TRIM71: variants seen among roughly 807,000 people sequenced by gnomAD.
The protein encoded by TRIM71 is E3 ubiquitin-protein ligase TRIM71.
Under a neutral mutation model 61.2 loss-of-function variants are expected in TRIM71, and 9 were observed. That is an observed-to-expected ratio of 0.15 (90% CI 0.09 to 0.26). The LOEUF is 0.26. TRIM71 is among the 10% of genes least tolerant of loss of function. The pLI is 1.00. For synonymous variants in TRIM71, 645 were observed against 553.2 expected, an observed-to-expected ratio of 1.17 and a Z score of -2.33; for missense variants, 998 against 1,238.7, an observed-to-expected ratio of 0.81 and a Z score of 2.92.
At chr3:32,874,045 T>C (rs1696826114) in intron 2 of TRIM71, 60 bp downstream of exon 2, 8 of 1,515,304 alleles carry the variant, frequency 5.3e-6, no homozygotes, top group Middle Eastern at 2.0e-4. Context: ...TTCTGTCGGG[T>C]GGCATGGACA....
At position 32,836,817 on chromosome 3, in the gene TRIM71, C is replaced by T. The variant is rs1321691826; in HGVS notation, c.852+17885C>T. ...TCAGTTGAGTGTTCATGCTTCGTGGCCATATACTGGTAGCTATTATACTGG... is the reference window on the plus strand; with the variant it reads ...TCAGTTGAGTGTTCATGCTTCGTGGTCATATACTGGTAGCTATTATACTGG... On this transcript the variant is annotated intron_variant, in intron 1 of 3. Coordinates refer to ENST00000383763, the MANE Select transcript of TRIM71 (RefSeq NM_001039111.3). Among the ~76,000 whole-genome samples the T allele has an allele frequency of 2.0e-5, 3 of 152,204 alleles. No homozygotes were observed. The East Asian group carries it at 5.8e-4, about 29-fold the overall frequency.
chr3:32,870,550 G>A (rs1053386904), intron 1 of TRIM71, among the ~76,000 whole-genome samples: 9 of 152,098 alleles, frequency 5.9e-5, no homozygotes, highest in Admixed American at 2.6e-4. Context: ...GGTCACAGGA[G>A]GGCTCTGGTG....
intron 1 of TRIM71, among the ~76,000 whole-genome samples, chr3:32,853,947 T>TCAAA (rs1438860885): frequency 1.3e-5 from 2 of 151,456 alleles, no homozygotes; most frequent in Admixed American, 6.6e-5. Context: ...GGGGTTGCAA[T>TCAAA]GAGCTGAGAC....
intron 1 of TRIM71, among the ~76,000 whole-genome samples, chr3:32,861,712 G>A (rs751442150): frequency 1.0e-3 from 152 of 152,174 alleles, no homozygotes; most frequent in Non-Finnish European, 1.9e-3. Flanking sequence ...CTGGAATGTC[G>A]GGGGGAAGAT....
At position 32,818,088 on chromosome 3, in the gene TRIM71, C is replaced by T; in HGVS notation, c.8C>T (p.Ser3Leu). Reference protein sequence around the residue: MASFPETDFQICL... With the variant: MALFPETDFQICL... ...CTCCGGGCTGGGTTGCAAATGGCTTCGTTCCCCGAGACCGATTTCCAGATC... is the reference window on the plus strand; with the variant it reads ...CTCCGGGCTGGGTTGCAAATGGCTTTGTTCCCCGAGACCGATTTCCAGATC... The change falls in exon 1 of 4, where the codon TCG (serine) becomes TTG (leucine). Residue 3 changes from serine (S) to leucine (L), a missense_variant. By Grantham distance (145) the Ser-to-Leu change is moderately radical (BLOSUM62 -2). Transcript: ENST00000383763. 4.3e-6 allele frequency: 7 copies of T among 1,610,188 alleles called. No homozygotes were observed. Among genetic ancestry groups the T allele is most frequent in the Non-Finnish European group, 5.9e-6 (7 of 1,177,926 alleles).
intron 1 of TRIM71, among the ~76,000 whole-genome samples, chr3:32,872,656 G>A (rs763714035): frequency 5.9e-5 from 9 of 152,170 alleles, no homozygotes; most frequent in Non-Finnish European, 1.3e-4. Context: ...TACCTAGCAA[G>A]GTGCTTTGTA....
At chr3:32,868,636 C>CTT (rs113638525) in intron 1 of TRIM71, among the ~76,000 whole-genome samples, 4 of 134,062 alleles carry the variant, frequency 3.0e-5, no homozygotes, top group African/African-American at 1.1e-4. Flanking sequence ...TAGAATAAAG[C>CTT]TTTTTTTTTT....
chr3:32,891,610 G>A lies in TRIM71; in HGVS notation c.2406G>A (p.Val802=). The A allele has an allele frequency of 6.2e-7, 1 of 1,613,514 alleles. No individual in the cohort carries two copies. The highest frequency in any genetic ancestry group is 1.1e-5 in the South Asian group (1 of 91,024). ...GQFLRPQGVA[V]DQEGRIIVAD... The stretch of plus-strand genomic sequence containing the variant: ...TCCTGCGCCCACAAGGGGTAGCTGT[G>A]GACCAGGAAGGGCGCATCATTGTGG... Residue 802 remains valine, a synonymous_variant, in exon 4 of 4, where the codon GTG becomes GTA. Transcript: ENST00000383763. The surrounding 1 kb of genome is among the most constrained non-coding windows in gnomAD (Gnocchi z 8.2).
At chr3:32,887,865 C>T (rs1158719267) in intron 3 of TRIM71, among the ~76,000 whole-genome samples, 2 of 152,138 alleles carry the variant, frequency 1.3e-5, no homozygotes, top group Non-Finnish European at 2.9e-5. Flanking sequence ...CATATAATCA[C>T]CCCTCCCACC....
At chr3:32,850,889 C>T (rs1045691539) in intron 1 of TRIM71, among the ~76,000 whole-genome samples, 13 of 152,174 alleles carry the variant, frequency 8.5e-5, no homozygotes, top group Admixed American at 7.9e-4. Flanking sequence ...AAGTCATTCT[C>T]CACCCCCACC....
intron 1 of TRIM71, among the ~76,000 whole-genome samples, chr3:32,829,922 ATTTT>A (rs11327826): frequency 1.1e-4 from 12 of 109,524 alleles, no homozygotes; most frequent in African/African-American, 3.0e-4. Flanking sequence ...TACTGCCTGA[ATTTT>A]TTTTTTTTTT....
chr3:32,861,955 T>G (rs1575352239), intron 1 of TRIM71, among the ~76,000 whole-genome samples: 1 of 152,236 alleles, frequency 6.6e-6, no homozygotes, highest in South Asian at 2.1e-4. Flanking sequence ...AGGCCACGTG[T>G]GTGCTATCCA....
At chr3:32,819,792 G>A (rs1345673863) in intron 1 of TRIM71, among the ~76,000 whole-genome samples, 1 of 152,212 alleles carries the variant, frequency 6.6e-6, no homozygotes, top group Non-Finnish European at 1.5e-5. Flanking sequence ...GGTTTCCCTG[G>A]TTAGGAGGTA....
At chr3:32,829,430 GTC>G (rs1189323523) in intron 1 of TRIM71, among the ~76,000 whole-genome samples, 1 of 152,046 alleles carries the variant, frequency 6.6e-6, no homozygotes, top group Non-Finnish European at 1.5e-5. Flanking sequence ...TGATCTGCCT[GTC>G]TCCCAAAGTG....
Position 32,890,966 on chromosome 3 carries a change from G to T in TRIM71, c.1762G>T (p.Gly588Cys). 3 of 1,614,208 alleles carry T rather than the reference G, an allele frequency of 1.9e-6. No homozygotes were observed. The highest frequency in any genetic ancestry group is 2.5e-6 in the Non-Finnish European group (3 of 1,180,056). The change falls in exon 4 of 4, where the codon GGC becomes TGC. Residue 588 changes from glycine to cysteine, a missense_variant. Around this residue, in one of 5 missense-constraint regions of TRIM71, gnomAD observed 291 missense variants for 431.2 expected, o/e 0.67. Coordinates refer to ENST00000383763, the MANE Select transcript of TRIM71 (RefSeq NM_001039111.3). This position sits in a 1 kb window ranked among gnomAD's most constrained non-coding sequence, Gnocchi z 6.2. ...VVVKSGRSYV[G>C]IGLPGLSFGS... ...GGTCAAGTCAGGCCGCAGCTACGTG[G>T]GCATTGGGCTCCCGGGCCTGAGCTT...
intron 1 of TRIM71, among the ~76,000 whole-genome samples, chr3:32,829,801 A>T (rs1696248858): frequency 6.6e-6 from 1 of 151,626 alleles, no homozygotes; most frequent in Non-Finnish European, 1.5e-5. Context: ...AACTGTCCTG[A>T]CTCCTAGTCT....
Position 32,887,836 on chromosome 3 carries a change from A to G in TRIM71, c.1155+1768A>G, listed in dbSNP as rs140416811. ...TCCTGGTTCACTGAACAGATGAAAA[A>G]GCAGGAATGAGTCGAAATCATATAA... On this transcript the variant is annotated intron_variant, in intron 3 of 3. Coordinates refer to ENST00000383763, the MANE Select transcript of TRIM71 (RefSeq NM_001039111.3). Among the ~76,000 whole-genome samples the G allele has an allele frequency of 2.9e-3, 444 of 152,294 alleles. 1 individual carries two copies. Among genetic ancestry groups the G allele is most frequent in the Middle Eastern group, 0.014 (4 of 294 alleles).
chr3:32,833,311 T>C (rs1404901775), intron 1 of TRIM71, among the ~76,000 whole-genome samples: 1 of 150,276 alleles, frequency 6.7e-6, no homozygotes, highest in African/African-American at 2.4e-5. Context: ...CTATGAAAAC[T>C]GACTGGAATT....
At chr3:32,857,574 A>G (rs1696619203) in intron 1 of TRIM71, among the ~76,000 whole-genome samples, 1 of 152,246 alleles carries the variant, frequency 6.6e-6, no homozygotes, top group African/African-American at 2.4e-5. Flanking sequence ...CTTACAGATA[A>G]TATAAAGTCA....
Sources: gnomAD v4.1 joint callset for allele counts (sites outside exome capture counted in the v4.1 genomes callset) on GRCh38, gnomAD v4.1.1 for gene constraint, gnomAD v4.1.1 regional missense constraint, Gnocchi (gnomAD v3.1) non-coding constraint, MANE v1.5 for transcripts, NCBI Gene and HGNC (gene_info 2026-07-23, HGNC 2026-07-21) for gene names.